The following TFB1M variants were observed in gnomAD, a reference collection of about 807,000 sequenced individuals.
The protein encoded by TFB1M is transcription factor B1, mitochondrial, also known as dimethyladenosine transferase 1, mitochondrial.
In TFB1M, 27 loss-of-function variants were observed where a neutral mutation model predicts 31.1. The ratio of observed to expected loss-of-function variants is 0.87; its 90% CI spans 0.64 to 1.20. The LOEUF is 1.20. TFB1M is among the 50% of genes most tolerant of loss of function. The probability of loss-of-function intolerance (pLI) is 0.00; values close to 1 mark genes in which losing one functional copy is unlikely to be tolerated. For synonymous variants in TFB1M, 166 were observed against 151.8 expected, an observed-to-expected ratio of 1.09 and a Z score of -0.69; for missense variants, 394 against 418.7, an observed-to-expected ratio of 0.94 and a Z score of 0.51.
chr6:155,298,693 CA>C lies in TFB1M; in HGVS notation c.286-109del, dbSNP rs1284626142. ...AAAATCAGTTAAAAAAGTCAGAGAC[CA>C]GGGGTGATCATTAATGAACAAATAC... On this transcript the variant is annotated intron_variant, in intron 2 of 6. Transcript: ENST00000367166. 7.5e-5 allele frequency: 55 copies of C among 736,368 alleles called. 1 individual carries two copies. The highest frequency in any genetic ancestry group is 5.3e-4 in the African/African-American group (30 of 57,016). The allele number at this position is 736,368 out of a possible 1,614,324, so 45.6% of individuals were successfully genotyped here. A position where few individuals can be genotyped will look rare whatever the true frequency, so the allele number is the denominator to read the frequency against.
At chr6:155,254,417 A>G, downstream of TFB1M, 1 of 1,610,290 alleles carries the variant, frequency 6.2e-7, no homozygotes, top group Non-Finnish European at 8.5e-7. Context: ...CCCCCCACCC[A>G]GTGACAGTGA....
chr6:155,259,660 CCTT>C (rs775493334), intron 6 of TFB1M, among the ~76,000 whole-genome samples: 5 of 152,234 alleles, frequency 3.3e-5, no homozygotes, highest in Non-Finnish European at 7.3e-5. Flanking sequence ...CACTTTCCTG[CCTT>C]CTTAAGCAGA....
intron 2 of TFB1M, among the ~76,000 whole-genome samples, chr6:155,309,012 C>A (rs1427564124): frequency 6.6e-6 from 1 of 152,054 alleles, no homozygotes; most frequent in African/African-American, 2.4e-5. Flanking sequence ...ATATAAGATA[C>A]TAAGAATTAA....
Position 155,305,220 on chromosome 6 carries a change from TTATATATATATATTAAATTATATATTTA to T in TFB1M, c.285+5940_285+5967del, listed in dbSNP as rs1400855267. Among the ~76,000 whole-genome samples, 308 of 39,828 alleles carry T rather than the reference TTATATATATATATTAAATTATATATTTA, an allele frequency of 7.7e-3. 82 individuals are homozygous for T. The highest frequency in any genetic ancestry group is 0.037 in the African/African-American group (298 of 7,986). 26.1% of individuals were successfully genotyped at this position (39,828 alleles called of 152,430 possible). ...TTTATATATATATTAAATTATATAT[TTATATATATATATTAAATTATATATTTA>T]TATATATATTAAATTATATATTTAT... is the stretch of plus-strand genomic sequence containing the variant. On this transcript the variant is annotated intron_variant, in intron 2 of 6. Transcript: ENST00000367166.
chr6:155,284,134 A>G (rs1776514595), intron 5 of TFB1M, among the ~76,000 whole-genome samples: 1 of 152,256 alleles, frequency 6.6e-6, no homozygotes, highest in Non-Finnish European at 1.5e-5. Context: ...CTGAACGCTC[A>G]GCTAACTGGC....
chr6:155,289,414 C>T (rs1451602311), intron 4 of TFB1M, among the ~76,000 whole-genome samples: 1 of 152,116 alleles, frequency 6.6e-6, no homozygotes, highest in Non-Finnish European at 1.5e-5. Context: ...ACCTTTTGAG[C>T]CTCAGTTCAT....
At chr6:155,300,566 C>A (rs779964871) in intron 2 of TFB1M, among the ~76,000 whole-genome samples, 2 of 151,934 alleles carry the variant, frequency 1.3e-5, no homozygotes, top group Non-Finnish European at 2.9e-5. Context: ...CAAATTAGCA[C>A]GCCAAAAACA....
intron 5 of TFB1M, among the ~76,000 whole-genome samples, chr6:155,282,531 A>T (rs756419647): frequency 2.6e-5 from 4 of 152,160 alleles, no homozygotes; most frequent in Non-Finnish European, 5.9e-5. Context: ...ATTTCTTCTG[A>T]GCATTAATCT....
rs139875461 is a variant in TFB1M, at chr6:155,256,941, C to G, written c.*895G>C. ...CCATTAAACGAAAAGCCAACAGCAC[C>G]AAGAGGGACAGAGGAACTTTGCTCA... On this transcript the variant is annotated 3_prime_UTR_variant, in exon 7 of 7. Coordinates refer to ENST00000367166, the MANE Select transcript of TFB1M (RefSeq NM_016020.4). 1.2e-5 allele frequency: 19 copies of G among 1,614,140 alleles called. No homozygotes were observed. The African/African-American group carries it at 2.0e-4, about 17-fold the overall frequency.
chr6:155,262,739 GC>G (rs1784446915), intron 5 of TFB1M, among the ~76,000 whole-genome samples: 1 of 151,930 alleles, frequency 6.6e-6, no homozygotes, highest in African/African-American at 2.4e-5. Context: ...TACAGAAACT[GC>G]CACTTTCAGC....
intron 2 of TFB1M, among the ~76,000 whole-genome samples, chr6:155,309,287 G>A (rs559409266): frequency 6.6e-6 from 1 of 152,294 alleles, no homozygotes; most frequent in Admixed American, 6.5e-5. Context: ...CACCTGCTAT[G>A]TGCTAGGCAC....
At position 155,256,705 on chromosome 6, in the gene TFB1M, G is replaced by C. The variant is rs763548693; in HGVS notation, c.*1131C>G. 67 of 1,614,098 alleles carry C rather than the reference G, an allele frequency of 4.2e-5. No homozygotes were observed. Among genetic ancestry groups the C allele is most frequent in the Non-Finnish European group, 5.2e-5 (61 of 1,180,044 alleles). On this transcript the variant is annotated 3_prime_UTR_variant, in exon 7 of 7. Transcript: ENST00000367166. ...AGATTTTGCCGACAATCTCATCAAA[G>C]AGAGTGACATCCTGAGCGATGAAGA...
chr6:155,293,808 C>T (rs1777038357), intron 4 of TFB1M, among the ~76,000 whole-genome samples: 1 of 152,058 alleles, frequency 6.6e-6, no homozygotes, highest in African/African-American at 2.4e-5. Flanking sequence ...GATTCACTCC[C>T]TGTTATATTT....
Position 155,256,832 on chromosome 6 carries a change from A to G in TFB1M, c.*1004T>C. On this transcript the variant is annotated 3_prime_UTR_variant, in exon 7 of 7. Coordinates refer to ENST00000367166, the MANE Select transcript of TFB1M (RefSeq NM_016020.4). Reference sequence around the variant, plus strand: ...TCCGAGGACCCAGACGTTCACCCCGAGGCTGAGCAGCAGCCTGGCCCGGAG... The same window carrying G: ...TCCGAGGACCCAGACGTTCACCCCGGGGCTGAGCAGCAGCCTGGCCCGGAG... 1 of 1,614,200 alleles carries G rather than the reference A, an allele frequency of 6.2e-7. No homozygotes were observed. The highest frequency in any genetic ancestry group is 8.5e-7 in the Non-Finnish European group (1 of 1,180,032).
chr6:155,284,481 C>T (rs900302302), intron 5 of TFB1M, among the ~76,000 whole-genome samples: 1 of 152,148 alleles, frequency 6.6e-6, no homozygotes. Context: ...TGCTACCCAA[C>T]GCATTTTCAA....
intron 5 of TFB1M, among the ~76,000 whole-genome samples, chr6:155,264,541 C>T (rs1409490233): frequency 6.6e-6 from 1 of 152,228 alleles, no homozygotes; most frequent in Non-Finnish European, 1.5e-5. Context: ...CGGTCAGTAC[C>T]TATCCTAAAG....
chr6:155,263,155 T>G (rs1400588483), intron 5 of TFB1M, among the ~76,000 whole-genome samples: 1 of 152,224 alleles, frequency 6.6e-6, no homozygotes, highest in African/African-American at 2.4e-5. Context: ...CTCTGAATGA[T>G]GGAGCCCATT....
At position 155,305,231 on chromosome 6, in the gene TFB1M, T is replaced by A. The variant is rs867739049; in HGVS notation, c.285+5957A>T. On this transcript the variant is annotated intron_variant, in intron 2 of 6. Transcript: ENST00000367166. Reference sequence around the variant, plus strand: ...ATTAAATTATATATTTATATATATATATTAAATTATATATTTATATATATA... The same window carrying A: ...ATTAAATTATATATTTATATATATAAATTAAATTATATATTTATATATATA... Among the ~76,000 whole-genome samples the A allele has an allele frequency of 2.5e-3, 70 of 27,746 alleles. 1 individual carries two copies. Among genetic ancestry groups the A allele is most frequent in the South Asian group, 7.4e-3 (3 of 408 alleles). 18.2% of individuals were successfully genotyped at this position (27,746 alleles called of 152,430 possible). A position where few individuals can be genotyped will look rare whatever the true frequency, so the allele number is the denominator to read the frequency against.
chr6:155,294,302 C>T (rs959639053), intron 4 of TFB1M, among the ~76,000 whole-genome samples: 1 of 152,022 alleles, frequency 6.6e-6, no homozygotes, highest in East Asian at 1.9e-4. Flanking sequence ...GTTTCCTCAA[C>T]AAAACACAAA....
Sources: gnomAD v4.1 joint callset for allele counts (sites outside exome capture counted in the v4.1 genomes callset) on GRCh38, gnomAD v4.1.1 for gene constraint, MANE v1.5 for transcripts, NCBI Gene and HGNC (gene_info 2026-07-23, HGNC 2026-07-21) for gene names.